MAGEC3: variants seen among roughly 807,000 people sequenced by gnomAD.
MAGEC3 encodes MAGE family member C3.
MAGEC3 carries 34 observed loss-of-function variants against 35.3 expected under a neutral mutation model. The observed-to-expected ratio is 0.96, with a 90% CI of 0.73 to 1.28. The LOEUF (loss-of-function observed/expected upper bound fraction) is 1.28, where lower values mean the gene tolerates loss of function less well. Ranked by LOEUF, MAGEC3 falls within the 50% of genes most tolerant of loss-of-function variation. The probability of loss-of-function intolerance (pLI) is 0.00; values close to 1 mark genes in which losing one functional copy is unlikely to be tolerated. For missense variants in MAGEC3, 561 were observed against 483.6 expected (o/e 1.16, Z -1.50); for synonymous variants, 202 against 185.6 (o/e 1.09, Z -0.72).
intron 1 of MAGEC3, among the ~76,000 whole-genome samples, chrX:141,848,560 T>A (rs1316214502): frequency 9.0e-6 from 1 of 110,948 alleles, no homozygotes; most frequent in Non-Finnish European, 1.9e-5. Context: ...CCTAGAAATA[T>A]ATCTAAGCAA....
chrX:141,892,099 C>G (rs1225243924), intron 4 of MAGEC3, among the ~76,000 whole-genome samples: 2 of 111,051 alleles, frequency 1.8e-5, no homozygotes, highest in Non-Finnish European at 3.8e-5. Context: ...AAGGAGTCAA[C>G]CTTGTATACA....
intron 4 of MAGEC3, among the ~76,000 whole-genome samples, chrX:141,886,738 G>T (rs2018005235): frequency 9.0e-6 from 1 of 111,150 alleles, no homozygotes; most frequent in Non-Finnish European, 1.9e-5. Flanking sequence ...CCCCCACATT[G>T]GCTCCCTGAC....
intron 4 of MAGEC3, among the ~76,000 whole-genome samples, chrX:141,885,535 C>T (rs1175694706): frequency 9.3e-6 from 1 of 107,705 alleles, no homozygotes; most frequent in Admixed American, 1.0e-4. Context: ...CATCGTGGTG[C>T]GCGCCTGTAA....
chrX:141,838,481 C>T, intron 1 of MAGEC3, 43 bp downstream of exon 1: 5 of 1,183,709 alleles, frequency 4.2e-6, no homozygotes, highest in Non-Finnish European at 3.4e-6. Context: ...CCCAGGTTAA[C>T]AGCCAGCTCT....
chrX:141,848,183 G>C (rs1017979719), intron 1 of MAGEC3, among the ~76,000 whole-genome samples: 2 of 109,379 alleles, frequency 1.8e-5, no homozygotes, highest in African/African-American at 6.6e-5. Flanking sequence ...TTATTTTAAT[G>C]AATGGTTCAC....
At chrX:141,889,648 G>A (rs2018027071) in intron 4 of MAGEC3, among the ~76,000 whole-genome samples, 1 of 111,871 alleles carries the variant, frequency 8.9e-6, no homozygotes, top group South Asian at 3.7e-4. Context: ...AGATCCATTA[G>A]GGCATCTCTT....
At chrX:141,859,959 T>G (rs2017805195) in intron 1 of MAGEC3, among the ~76,000 whole-genome samples, 1 of 112,103 alleles carries the variant, frequency 8.9e-6, no homozygotes, top group African/African-American at 3.2e-5. Context: ...TGCCCTTCCC[T>G]CCTACCACTT....
At chrX:141,884,757 A>C (rs1245296913) in intron 4 of MAGEC3, among the ~76,000 whole-genome samples, 1 of 111,919 alleles carries the variant, frequency 8.9e-6, no homozygotes, top group African/African-American at 3.2e-5. Flanking sequence ...TGTGAGAAAA[A>C]AGTTTAGTGA....
intron 4 of MAGEC3, among the ~76,000 whole-genome samples, 165 bp downstream of exon 4, chrX:141,881,961 G>A (rs2017969789): frequency 8.9e-6 from 1 of 111,816 alleles, no homozygotes; most frequent in African/African-American, 3.3e-5. Flanking sequence ...CTAGCAAGAG[G>A]AAAGTAGTGA....
At chrX:141,863,956 CAG>C (rs751335207) in intron 1 of MAGEC3, among the ~76,000 whole-genome samples, 1 of 111,368 alleles carries the variant, frequency 9.0e-6, no homozygotes, top group South Asian at 3.8e-4. Flanking sequence ...ATACGAAAAA[CAG>C]ATCACCATTA....
chrX:141,847,577 C>T (rs2017724525), intron 1 of MAGEC3, among the ~76,000 whole-genome samples: 2 of 111,437 alleles, frequency 1.8e-5, no homozygotes, highest in African/African-American at 6.5e-5. Context: ...GTGAAATACA[C>T]AAACAATTGA....
At chrX:141,846,674 G>A (rs1190729092) in intron 1 of MAGEC3, among the ~76,000 whole-genome samples, 1 of 110,668 alleles carries the variant, frequency 9.0e-6, no homozygotes, top group Non-Finnish European at 1.9e-5. Context: ...ATTCTACTCT[G>A]GTTCAACAAT....
At chrX:141,850,125 T>C (rs929782570) in intron 1 of MAGEC3, among the ~76,000 whole-genome samples, 1 of 110,882 alleles carries the variant, frequency 9.0e-6, no homozygotes, top group Non-Finnish European at 1.9e-5. Flanking sequence ...TGTAGAAACA[T>C]AAAACTAAAT....
chrX:141,878,897 A>G (rs2017937876), intron 2 of MAGEC3, among the ~76,000 whole-genome samples: 1 of 111,338 alleles, frequency 9.0e-6, no homozygotes, highest in South Asian at 3.8e-4. Flanking sequence ...CTGCAGGAAA[A>G]CAGAGAGTCC....
chrX:141,894,109 A>G (rs771378616), intron 4 of MAGEC3, among the ~76,000 whole-genome samples: 10 of 111,879 alleles, frequency 8.9e-5, no homozygotes, highest in East Asian at 8.5e-4. Context: ...TTAAAACTAT[A>G]TGAACTGCAA....
At chrX:141,871,980 C>T (rs2017891165) in intron 2 of MAGEC3, among the ~76,000 whole-genome samples, 1 of 108,874 alleles carries the variant, frequency 9.2e-6, no homozygotes, top group South Asian at 4.1e-4. Flanking sequence ...GGTTCATCTG[C>T]AGGGTTGAAA....
chrX:141,865,713 C>G, intron 2 of MAGEC3, 108 bp downstream of exon 2: 4 of 905,008 alleles, frequency 4.4e-6, no homozygotes, highest in Non-Finnish European at 5.9e-6. Context: ...GCAGGTTTCC[C>G]CAGTTTTGAT....
chrX:141,843,836 GCAGA>G (rs1366968603), intron 1 of MAGEC3, among the ~76,000 whole-genome samples: 3 of 110,640 alleles, frequency 2.7e-5, no homozygotes, highest in Non-Finnish European at 5.7e-5. Context: ...ATGTAAACAA[GCAGA>G]CAGACACCTT....
At chrX:141,890,559 G>T (rs771837997) in intron 4 of MAGEC3, among the ~76,000 whole-genome samples, 3 of 111,597 alleles carry the variant, frequency 2.7e-5, no homozygotes, top group South Asian at 3.8e-4. Context: ...GAGAAATAAG[G>T]TTGCCCGTCC....
Sources: gnomAD v4.1 joint callset for allele counts (sites outside exome capture counted in the v4.1 genomes callset) on GRCh38, gnomAD v4.1.1 for gene constraint, MANE v1.5 for transcripts, NCBI Gene and HGNC (gene_info 2026-07-23, HGNC 2026-07-21) for gene names.